The following NLRP2 variants were observed in gnomAD, a reference collection of about 807,000 sequenced individuals.
NLRP2 encodes the protein NACHT, LRR and PYD domains-containing protein 2.
Under a neutral mutation model 97.2 loss-of-function variants are expected in NLRP2, and 107 were observed. The observed-to-expected ratio is 1.10, with a 90% CI of 0.94 to 1.29. The LOEUF (loss-of-function observed/expected upper bound fraction) is 1.29, where lower values mean the gene tolerates loss of function less well. NLRP2 is among the 50% of genes most tolerant of loss of function. The pLI is 0.00. For missense variants in NLRP2, 1,495 were observed against 1,330.3 expected, an observed-to-expected ratio of 1.12 and a Z score of -1.93; for synonymous variants, 663 against 551.5, an observed-to-expected ratio of 1.20 and a Z score of -2.83.
chr19:54,994,883 A>G (rs2072719118), intron 11 of NLRP2, among the ~76,000 whole-genome samples: 2 of 150,350 alleles, frequency 1.3e-5, no homozygotes, highest in African/African-American at 4.9e-5. Flanking sequence ...TGCTGGGATT[A>G]CAGGCGTGAG....
At position 54,983,652 on chromosome 19, in the gene NLRP2, A is replaced by G. The variant is rs1602373763; in HGVS notation, c.1954A>G (p.Lys652Glu). Residue 652 changes from lysine (K) to glutamate (E), a missense_variant, in exon 6 of 13, where the codon AAA becomes GAA. Lys to Glu is a moderately conservative substitution (Grantham distance 56, BLOSUM62 1). Transcript: ENST00000448584. ...FCVKHCRNLQ[K>E]MSLQVIKENL... ...CGTCAAGCACTGTCGAAACCTGCAG[A>G]AAATGTCACTGCAGGTAATAAAGGA... 2 of 1,614,126 alleles carry G rather than the reference A, an allele frequency of 1.2e-6. No homozygotes were observed. Among genetic ancestry groups the G allele is most frequent in the East Asian group, 4.5e-5 (2 of 44,888 alleles).
rs201406695 is a variant in NLRP2 at position 54,985,700 on chromosome 19, A to C, written c.2202-451A>C. On this transcript the variant is annotated intron_variant, in intron 7 of 12. Transcript: ENST00000448584. ...CTCAAAAAAAAAAAAAAAAAAAAAG[A>C]AAAAGAAAAAAAGGGCCGGGCACAA... Among the ~76,000 whole-genome samples the C allele has an allele frequency of 1.7e-3, 235 of 136,462 alleles. 2 individuals are homozygous for C. In the East Asian group the frequency reaches 0.037, roughly 22 times the overall value. 89.5% of individuals were successfully genotyped at this position (136,462 alleles called of 152,430 possible).
intron 11 of NLRP2, among the ~76,000 whole-genome samples, chr19:54,995,412 G>T (rs534296574): frequency 2.0e-5 from 3 of 151,342 alleles, no homozygotes; most frequent in Non-Finnish European, 4.4e-5. Context: ...GGCTGGTCTC[G>T]ACCTCCGGAC....
rs58847413 is a variant in NLRP2 at position 54,967,643 on chromosome 19, C to CA, written c.-18+1187dup. 6.7e-3 allele frequency among the ~76,000 whole-genome samples: 965 copies of CA among 145,000 alleles called. 8 individuals carry two copies. Among genetic ancestry groups the CA allele is most frequent in the African/African-American group, 0.018 (712 of 39,776 alleles). ...TTTAGGATAGAGCTATAGAGAGCTCCAAAAAAAAAAATATATTGGAACAGG... is the reference window on the plus strand; with the variant it reads ...TTTAGGATAGAGCTATAGAGAGCTCCAAAAAAAAAAAATATATTGGAACAGG... On this transcript the variant is annotated intron_variant, in intron 1 of 12. Transcript: ENST00000448584.
rs1259045887 is a variant in NLRP2 at position 54,983,384 on chromosome 19, C to T, written c.1686C>T (p.Asn562=). The change falls in exon 6 of 13, where the codon AAC becomes AAT. Residue 562 remains asparagine, a synonymous_variant. Coordinates refer to ENST00000448584, the MANE Select transcript of NLRP2 (RefSeq NM_017852.5). Reference sequence around the variant, plus strand: ...GCTACTACTCCTTTGGCCTCGCTAACGAGAAGAGAGCCAAGGAGTTGGAGG... The same window carrying T: ...GCTACTACTCCTTTGGCCTCGCTAATGAGAAGAGAGCCAAGGAGTTGGAGG... The part of the protein sequence containing the change: ...QAGYYSFGLA[N]EKRAKELEAT... The T allele has an allele frequency of 2.5e-6, 4 of 1,614,162 alleles. No homozygotes were observed. Among genetic ancestry groups the T allele is most frequent in the South Asian group, 2.2e-5 (2 of 91,080 alleles).
At chr19:54,984,485 C>CTGTTTTTTTTTTTTTTTTTTTTTTT (rs2071911124) in intron 6 of NLRP2, among the ~76,000 whole-genome samples, 2 of 76,914 alleles carry the variant, frequency 2.6e-5, no homozygotes, top group African/African-American at 7.6e-5. Flanking sequence ...TATTCCCAAT[C>CTGTTTTTTTTTTTTTTTTTTTTTTT]TTTTTTTTTT....
intron 4 of NLRP2, among the ~76,000 whole-genome samples, 153 bp downstream of exon 4, chr19:54,977,976 C>G (rs960596446): frequency 1.3e-5 from 2 of 152,164 alleles, no homozygotes; most frequent in Non-Finnish European, 2.9e-5. Flanking sequence ...GCCAACCTCC[C>G]TTCCGTAAGA....
At position 54,998,551 on chromosome 19, in the gene NLRP2, GTTTA is replaced by G. The variant is rs754576711; in HGVS notation, c.3050+1071_3050+1074del. Among the ~76,000 whole-genome samples, 216 of 103,276 alleles carry G rather than the reference GTTTA, an allele frequency of 2.1e-3. 1 individual carries two copies. The highest frequency in any genetic ancestry group is 3.7e-3 in the Admixed American group (42 of 11,328). 67.8% of individuals were successfully genotyped at this position (103,276 alleles called of 152,430 possible). ...TTTTAAGCTTTAAGTTTGTTTGTTTGTTTATTTATTATTTATTTTGGAGACAGTT... is the reference window on the plus strand; with the variant it reads ...TTTTAAGCTTTAAGTTTGTTTGTTTGTTTATTATTTATTTTGGAGACAGTT... On this transcript the variant is annotated intron_variant, in intron 12 of 12. Coordinates refer to ENST00000448584, the MANE Select transcript of NLRP2 (RefSeq NM_017852.5).
At chr19:54,995,172 T>C (rs2072736974) in intron 11 of NLRP2, among the ~76,000 whole-genome samples, 2 of 143,366 alleles carry the variant, frequency 1.4e-5, no homozygotes, top group African/African-American at 5.1e-5. Context: ...TAGCCGAGCA[T>C]AGTAGTGGGT....
In NLRP2 at chr19:54,970,032, A is replaced by G. The variant is rs2070741301; in HGVS notation, c.17A>G (p.Gln6Arg). 6.2e-7 allele frequency: 1 copy of G among 1,613,760 alleles called. No individual in the cohort carries two copies. The highest frequency in any genetic ancestry group is 1.7e-5 in the Admixed American group (1 of 59,944). Residue 6 changes from glutamine to arginine, a missense_variant, in exon 2 of 13, where the codon CAG (glutamine) becomes CGG (arginine). Gln to Arg is a conservative substitution (Grantham distance 43). Coordinates refer to ENST00000448584, the MANE Select transcript of NLRP2 (RefSeq NM_017852.5). MVSSA[Q>R]MGFNLQALLE... The stretch of plus-strand genomic sequence containing the variant: ...TGGGACAAGATGGTGTCTTCGGCGC[A>G]GATGGGCTTCAACCTGCAGGCTCTC...
chr19:54,975,459 T>A (rs1402081668), intron 3 of NLRP2, among the ~76,000 whole-genome samples: 1,378 of 137,488 alleles, frequency 0.01, 169 homozygotes, highest in African/African-American at 0.037. Flanking sequence ...ATTATTATTT[T>A]TTTTTTTTTT....
In NLRP2 at chr19:54,976,810, CTCTT is replaced by C. The variant is rs1302264565; in HGVS notation, c.326-940_326-937del. 0.011 allele frequency: 3,670 copies of C among 320,070 alleles called. 337 individuals are homozygous for C. The Admixed American group carries it at 0.13, about 11-fold the overall frequency. The allele number at this position is 320,070 out of a possible 1,614,324, so 19.8% of individuals were successfully genotyped here. A position where few individuals can be genotyped will look rare whatever the true frequency, so the allele number is the denominator to read the frequency against. ...TTATTAGGATTCCACCTTGTTCTCT[CTCTT>C]TTTTTTTTTTTTTTTGATACGGAGT... On this transcript the variant is annotated intron_variant, in intron 3 of 12. Coordinates refer to ENST00000448584, the MANE Select transcript of NLRP2 (RefSeq NM_017852.5).
intron 12 of NLRP2, 54 bp downstream of exon 12, chr19:54,997,541 G>T (rs1568543981): frequency 6.3e-7 from 1 of 1,580,260 alleles, no homozygotes; most frequent in South Asian, 1.1e-5. Flanking sequence ...AGGTTTAGGG[G>T]AAGCATAATG....
At chr19:54,995,865 A>G (rs1213679963) in intron 11 of NLRP2, among the ~76,000 whole-genome samples, 1 of 151,856 alleles carries the variant, frequency 6.6e-6, no homozygotes, top group African/African-American at 2.4e-5. Context: ...AACACAATGA[A>G]GCCCTGTCTC....
chr19:54,984,485 CTTTTTT>C (rs36061621), intron 6 of NLRP2, among the ~76,000 whole-genome samples: 1 of 76,914 alleles, frequency 1.3e-5, no homozygotes, highest in Non-Finnish European at 2.3e-5. Flanking sequence ...TATTCCCAAT[CTTTTTT>C]TTTTTTTTTG....
chr19:54,984,078 G>A (rs1037068079), intron 6 of NLRP2, among the ~76,000 whole-genome samples: 4 of 151,606 alleles, frequency 2.6e-5, no homozygotes, highest in African/African-American at 4.8e-5. Flanking sequence ...CTTGAACTCC[G>A]CCTGACCTCA....
intron 2 of NLRP2, among the ~76,000 whole-genome samples, chr19:54,972,676 C>T (rs140177434): frequency 5.3e-4 from 81 of 152,052 alleles, no homozygotes; most frequent in African/African-American, 1.9e-3. Context: ...AGGCTGGTCT[C>T]GAACTTCTGT....
In NLRP2 at chr19:54,970,009, G is replaced by A; in HGVS notation, c.-7G>A. The A allele has an allele frequency of 6.2e-7, 1 of 1,613,100 alleles. No individual in the cohort carries two copies. The highest frequency in any genetic ancestry group is 8.5e-7 in the Non-Finnish European group (1 of 1,179,970). ...TGATTGTCATCACAGCTCCCACGTGGGACAAGATGGTGTCTTCGGCGCAGA... is the reference window on the plus strand; with the variant it reads ...TGATTGTCATCACAGCTCCCACGTGAGACAAGATGGTGTCTTCGGCGCAGA... On this transcript the variant is annotated 5_prime_UTR_variant, in exon 2 of 13. Coordinates refer to ENST00000448584, the MANE Select transcript of NLRP2 (RefSeq NM_017852.5).
intron 10 of NLRP2, chr19:54,994,039 G>T (rs2072656435): frequency 1.6e-6 from 1 of 615,832 alleles, no homozygotes; most frequent in African/African-American, 1.8e-5. Context: ...ACCATCTTAA[G>T]ATGCTCAGTC....
Sources: gnomAD v4.1 joint callset for allele counts (sites outside exome capture counted in the v4.1 genomes callset) on GRCh38, gnomAD v4.1.1 for gene constraint, MANE v1.5 for transcripts, NCBI Gene and HGNC (gene_info 2026-07-23, HGNC 2026-07-21) for gene names.